The following CEP290 variants were observed in gnomAD, a reference collection of about 807,000 sequenced individuals.
CEP290 encodes centrosomal protein 290, also known as centrosomal protein of 290 kDa.
Under a neutral mutation model 344.9 loss-of-function variants are expected in CEP290, and 317 were observed. That is an observed-to-expected ratio of 0.92 (90% CI 0.84 to 1.01). The LOEUF (loss-of-function observed/expected upper bound fraction) is 1.01, where lower values mean the gene tolerates loss of function less well. CEP290 is among the 50% of genes least tolerant of loss of function. CEP290 has a pLI of 0.00. For missense variants in CEP290, 2,754 were observed against 2,761.4 expected (o/e 1.00, Z 0.06); for synonymous variants, 932 against 895.8 (o/e 1.04, Z -0.72).
intron 41 of CEP290, 94 bp downstream of exon 41, chr12:88,077,124 CATCA>C (rs754124256): frequency 3.4e-5 from 38 of 1,118,398 alleles, no homozygotes; most frequent in Non-Finnish European, 4.6e-5. Flanking sequence ...ACAGCCAGGT[CATCA>C]AATTAAGGCA....
At position 88,084,864 on chromosome 12, in the gene CEP290, A is replaced by C; in HGVS notation, c.4438-12T>G. On this transcript the variant is annotated splice_polypyrimidine_tract_variant and intron_variant, in intron 34 of 53. Coordinates refer to ENST00000552810, the MANE Select transcript of CEP290 (RefSeq NM_025114.4). ...TTCTCTTTTAGTTTCTGCAATGATT[A>C]AATTATAATAAATCATTAAAGTATC... 6.8e-7 allele frequency: 1 copy of C among 1,466,734 alleles called. No individual in the cohort carries two copies. The highest frequency in any genetic ancestry group is 9.1e-7 in the Non-Finnish European group (1 of 1,099,994). 90.9% of individuals were successfully genotyped at this position (1,466,734 alleles called of 1,614,324 possible).
chr12:88,136,478 T>C, intron 6 of CEP290, 165 bp downstream of exon 6: 1 of 650,664 alleles, frequency 1.5e-6, no homozygotes, highest in South Asian at 2.0e-5. Context: ...CATTATATTT[T>C]AAAATTGGTG....
intron 22 of CEP290, among the ~76,000 whole-genome samples, chr12:88,110,770 A>G (rs2038631631): frequency 6.6e-6 from 1 of 152,168 alleles, no homozygotes; most frequent in Non-Finnish European, 1.5e-5. Flanking sequence ...ATGACACTAA[A>G]AAGCCTTGAC....
At chr12:88,138,173 T>G (rs2040446047) in intron 5 of CEP290, among the ~76,000 whole-genome samples, 1 of 152,118 alleles carries the variant, frequency 6.6e-6, no homozygotes, top group African/African-American at 2.4e-5. Context: ...ACCCCTCATC[T>G]TCTCCCTCCA....
intron 44 of CEP290, among the ~76,000 whole-genome samples, chr12:88,067,856 A>C (rs1039682093): frequency 2.0e-5 from 3 of 152,206 alleles, no homozygotes; most frequent in African/African-American, 4.8e-5. Flanking sequence ...ATACCATAGA[A>C]TATTTCTAGG....
At chr12:88,082,755 G>C (rs1042066894) in intron 37 of CEP290, among the ~76,000 whole-genome samples, 4 of 152,076 alleles carry the variant, frequency 2.6e-5, no homozygotes, top group Admixed American at 2.6e-4. Flanking sequence ...ATGAGATTCT[G>C]GAAAAGAATT....
chr12:88,078,276 A>G (rs1198316898), intron 39 of CEP290, among the ~76,000 whole-genome samples: 1 of 152,148 alleles, frequency 6.6e-6, no homozygotes, highest in East Asian at 1.9e-4. Flanking sequence ...ATGAAGCATA[A>G]GAGTAGTACA....
At chr12:88,061,768 A>G (rs994607895) in intron 46 of CEP290, among the ~76,000 whole-genome samples, 1 of 151,860 alleles carries the variant, frequency 6.6e-6, no homozygotes, top group African/African-American at 2.4e-5. Context: ...ACTGTTCTGA[A>G]TATTTTTCCT....
chr12:88,137,477 A>G (rs1360158304), intron 5 of CEP290, among the ~76,000 whole-genome samples: 1 of 152,206 alleles, frequency 6.6e-6, no homozygotes, highest in Admixed American at 6.6e-5. Flanking sequence ...GGTCATGGCC[A>G]AGAACATCAA....
At chr12:88,050,281 TTAA>T in intron 53 of CEP290, 70 bp downstream of exon 53, 2 of 727,296 alleles carry the variant, frequency 2.7e-6, no homozygotes, top group East Asian at 2.7e-5. Flanking sequence ...GGATACGTAG[TTAA>T]AGATGGTAAT....
intron 3 of CEP290, 32 bp from the exon 4 acceptor site, chr12:88,139,596 C>G (rs1592701722): frequency 7.6e-6 from 11 of 1,440,876 alleles, no homozygotes; most frequent in Non-Finnish European, 1.0e-5. Flanking sequence ...TTTCAATATG[C>G]CTTTATACTG....
intron 10 of CEP290, 40 bp downstream of exon 10, chr12:88,129,654 G>T: frequency 8.7e-7 from 1 of 1,147,088 alleles, no homozygotes; most frequent in Non-Finnish European, 1.2e-6. Context: ...GAGATAATAT[G>T]AAGTCTGAAT....
Position 88,092,696 on chromosome 12 carries a change from T to C in CEP290, c.3446A>G (p.Lys1149Arg). The C allele has an allele frequency of 6.2e-7, 1 of 1,609,144 alleles. No homozygotes were observed. ...LELEKNEMEL[K>R]VEVSKLREIS... ...ATGCACTTACTTTGACACTTCAACTTTTAGTTCCATTTCATTCTTCTCTAA... is the reference window on the plus strand; with the variant it reads ...ATGCACTTACTTTGACACTTCAACTCTTAGTTCCATTTCATTCTTCTCTAA... Residue 1149 changes from lysine to arginine, a missense_variant, in exon 29 of 54, where the codon AAA (lysine) becomes AGA (arginine). Lys to Arg is a conservative substitution (Grantham distance 26). Coordinates refer to ENST00000552810, the MANE Select transcript of CEP290 (RefSeq NM_025114.4).
intron 5 of CEP290, among the ~76,000 whole-genome samples, chr12:88,138,372 G>A (rs999278776): frequency 6.6e-6 from 1 of 152,136 alleles, no homozygotes; most frequent in Non-Finnish European, 1.5e-5. Flanking sequence ...AGTATTTATT[G>A]AAAGTGCTTG....
chr12:88,075,815 G>C (rs2035728429), intron 41 of CEP290, among the ~76,000 whole-genome samples: 2 of 152,030 alleles, frequency 1.3e-5, no homozygotes, highest in South Asian at 4.1e-4. Context: ...ATAGACCCCT[G>C]TTTTCTCTTT....
chr12:88,058,714 A>G, intron 49 of CEP290, 134 bp downstream of exon 49: 1 of 850,108 alleles, frequency 1.2e-6, no homozygotes, highest in Non-Finnish European at 1.8e-6. Context: ...GAAAAAAAGT[A>G]TTATGTTAAA....
intron 13 of CEP290, among the ~76,000 whole-genome samples, chr12:88,124,820 T>G (rs891097018): frequency 1.3e-5 from 2 of 152,056 alleles, no homozygotes; most frequent in Non-Finnish European, 2.9e-5. Context: ...AAAGGTAATA[T>G]GGCTCAGGGT....
Position 88,080,413 on chromosome 12 carries a change from ATG to A in CEP290, c.5013-20_5013-19del, listed in dbSNP as rs759447937. ...CTTGAAGCCTGATGTAAATAAACAT[ATG>A]TGTGTGTGTGTTTTTTAATTTTTAA... On this transcript the variant is annotated intron_variant, in intron 37 of 53. Coordinates refer to ENST00000552810, the MANE Select transcript of CEP290 (RefSeq NM_025114.4). 155 of 1,563,870 alleles carry A rather than the reference ATG, an allele frequency of 9.9e-5. No individual in the cohort carries two copies. Among genetic ancestry groups the A allele is most frequent in the Non-Finnish European group, 1.2e-4 (133 of 1,141,634 alleles).
intron 32 of CEP290, among the ~76,000 whole-genome samples, chr12:88,086,704 T>TCCATCCATCCATCC (rs1555208398): frequency 7.9e-4 from 118 of 149,190 alleles, no homozygotes; most frequent in South Asian, 1.7e-3. Flanking sequence ...GATTTCAGTC[T>TCCATCCATCCATCC]ATCCATCCAT....
Sources: allele counts gnomAD v4.1 joint callset (sites outside exome capture counted in the v4.1 genomes callset), GRCh38; gene constraint gnomAD v4.1.1; transcripts MANE v1.5; gene names NCBI Gene and HGNC (gene_info 2026-07-23, HGNC 2026-07-21).